Variants in SPATA17 observed in about 807,000 individuals in gnomAD.
SPATA17 encodes spermatogenesis associated 17, also known as spermatogenesis-associated protein 17.
A neutral mutation model predicts 62.2 loss-of-function variants in SPATA17; 53 were observed. That is an observed-to-expected ratio of 0.85 (90% CI 0.68 to 1.07). SPATA17 has a LOEUF of 1.07. Among genes scored for constraint, SPATA17 ranks in the 50% least tolerant of loss-of-function variants. The pLI is 0.00. For synonymous variants in SPATA17, 146 were observed against 146.8 expected (o/e 0.99, Z 0.04); for missense variants, 466 against 425.5 (o/e 1.10, Z -0.84).
chr1:217,754,220 G>A (rs1385485483), intron 6 of SPATA17, among the ~76,000 whole-genome samples: 1 of 152,046 alleles, frequency 6.6e-6, no homozygotes, highest in Non-Finnish European at 1.5e-5. Flanking sequence ...GGGCAACAAA[G>A]CAAGACCCTG....
At chr1:217,656,496 G>T (rs1273754296) in intron 3 of SPATA17, among the ~76,000 whole-genome samples, 2 of 152,044 alleles carry the variant, frequency 1.3e-5, no homozygotes, top group Non-Finnish European at 2.9e-5. Flanking sequence ...ATTGGTTCAT[G>T]ATGGTTTTTA....
intron 9 of SPATA17, among the ~76,000 whole-genome samples, chr1:217,832,515 G>A (rs72730505): frequency 0.055 from 8,381 of 152,058 alleles, 297 homozygotes; most frequent in African/African-American, 0.095. Context: ...CAAATGTTAA[G>A]CATTTGGTGT....
intron 5 of SPATA17, among the ~76,000 whole-genome samples, chr1:217,714,502 T>TTTTTTTTTTTTTTTTTTTTAAA (rs1294219534): frequency 6.7e-6 from 1 of 148,610 alleles, no homozygotes; most frequent in Non-Finnish European, 1.5e-5. Flanking sequence ...TTTTTTTTTT[T>TTTTTTTTTTTTTTTTTTTTAAA]GAGACAGAGT....
chr1:217,804,251 C>T (rs1674380047), intron 9 of SPATA17, among the ~76,000 whole-genome samples: 1 of 152,138 alleles, frequency 6.6e-6, no homozygotes, highest in South Asian at 2.1e-4. Flanking sequence ...AATAAATGCA[C>T]ACATTTGTGC....
intron 9 of SPATA17, among the ~76,000 whole-genome samples, chr1:217,809,334 G>T (rs1047445925): frequency 6.6e-6 from 1 of 152,100 alleles, no homozygotes; most frequent in Non-Finnish European, 1.5e-5. Flanking sequence ...AAACCTAAAT[G>T]TTGATGATAA....
At chr1:217,810,575 G>A (rs1674562421) in intron 9 of SPATA17, among the ~76,000 whole-genome samples, 1 of 151,896 alleles carries the variant, frequency 6.6e-6, no homozygotes, top group South Asian at 2.1e-4. Flanking sequence ...CCAAGACCAT[G>A]CCACTGCACT....
chr1:217,819,079 A>C (rs992676132), intron 9 of SPATA17, among the ~76,000 whole-genome samples: 3 of 151,326 alleles, frequency 2.0e-5, no homozygotes, highest in Non-Finnish European at 3.0e-5. Flanking sequence ...TATATAAACT[A>C]TTTCTTAATT....
chr1:217,781,783 G>T (rs1673732736), intron 7 of SPATA17, among the ~76,000 whole-genome samples: 1 of 152,052 alleles, frequency 6.6e-6, no homozygotes, highest in African/African-American at 2.4e-5. Context: ...GGAAAGCTAT[G>T]CTTAGAATTT....
chr1:217,838,504 T>C (rs1675312183), intron 9 of SPATA17, among the ~76,000 whole-genome samples: 1 of 152,050 alleles, frequency 6.6e-6, no homozygotes, highest in African/African-American at 2.4e-5. Flanking sequence ...TTTTTTCTTT[T>C]AAAAATATTT....
chr1:217,774,108 T>G (rs1195562155), intron 6 of SPATA17, among the ~76,000 whole-genome samples: 1 of 152,192 alleles, frequency 6.6e-6, no homozygotes, highest in Non-Finnish European at 1.5e-5. Flanking sequence ...TTAAAATGTT[T>G]AGTGCTCAAT....
At chr1:217,710,904 A>G (rs2102926382) in intron 5 of SPATA17, among the ~76,000 whole-genome samples, 1 of 152,304 alleles carries the variant, frequency 6.6e-6, no homozygotes, top group Non-Finnish European at 1.5e-5. Flanking sequence ...CAGTCTGGAC[A>G]TTTCATATAA....
At chr1:217,786,773 T>G (rs2102979686) in intron 8 of SPATA17, among the ~76,000 whole-genome samples, 1 of 139,786 alleles carries the variant, frequency 7.2e-6, no homozygotes. Flanking sequence ...TTCTTCTTCT[T>G]CTTCTTCTTC....
chr1:217,750,764 C>T (rs182779985), intron 6 of SPATA17, among the ~76,000 whole-genome samples: 3 of 152,280 alleles, frequency 2.0e-5, no homozygotes, highest in African/African-American at 7.2e-5. Flanking sequence ...ACAGAGATGC[C>T]ACTCGTCGGA....
intron 7 of SPATA17, among the ~76,000 whole-genome samples, chr1:217,774,886 T>A (rs1475183412): frequency 6.6e-6 from 1 of 152,226 alleles, no homozygotes; most frequent in Non-Finnish European, 1.5e-5. Flanking sequence ...ACATTTTGTT[T>A]ATCCATTTAT....
chr1:217,834,482 A>T (rs1571834818), intron 9 of SPATA17, among the ~76,000 whole-genome samples: 3 of 152,240 alleles, frequency 2.0e-5, no homozygotes, highest in Non-Finnish European at 4.4e-5. Flanking sequence ...GGTGACGTAG[A>T]TGATCATGAC....
intron 5 of SPATA17, among the ~76,000 whole-genome samples, chr1:217,691,059 T>C (rs1245535063): frequency 2.7e-4 from 38 of 140,792 alleles, no homozygotes; most frequent in East Asian, 8.3e-4. Flanking sequence ...CCTGAGGAAT[T>C]GCCACACTGA....
chr1:217,828,581 C>G (rs1233163626), intron 9 of SPATA17, among the ~76,000 whole-genome samples: 1 of 146,316 alleles, frequency 6.8e-6, no homozygotes, highest in Non-Finnish European at 1.5e-5. Flanking sequence ...TAAAATGGGA[C>G]TAAAAAGCTT....
chr1:217,811,713 A>G (rs1674595053), intron 9 of SPATA17, among the ~76,000 whole-genome samples: 1 of 149,952 alleles, frequency 6.7e-6, no homozygotes, highest in Non-Finnish European at 1.5e-5. Context: ...AAAAAAAACT[A>G]TGTCTCTGTG....
At chr1:217,845,853 C>T (rs1401750415) in intron 9 of SPATA17, among the ~76,000 whole-genome samples, 1 of 152,036 alleles carries the variant, frequency 6.6e-6, no homozygotes, top group Admixed American at 6.6e-5. Context: ...TACCCATAAA[C>T]ATGTAGACAT....
Sources: gnomAD v4.1 joint callset for allele counts (sites outside exome capture counted in the v4.1 genomes callset) on GRCh38, gnomAD v4.1.1 for gene constraint, MANE v1.5 for transcripts, NCBI Gene and HGNC (gene_info 2026-07-23, HGNC 2026-07-21) for gene names.